GPATCH2L: variants seen among roughly 807,000 people sequenced by gnomAD.
GPATCH2L encodes G-patch domain containing 2 like, also known as G patch domain-containing protein 2-like.
GPATCH2L carries 31 observed loss-of-function variants against 57.4 expected under a neutral mutation model. That is an observed-to-expected ratio of 0.54 (90% confidence interval 0.41 to 0.73). The LOEUF (loss-of-function observed/expected upper bound fraction) is 0.73, where lower values mean the gene tolerates loss of function less well. Ranked by LOEUF, GPATCH2L falls within the 30% of genes least tolerant of loss-of-function variation. GPATCH2L has a pLI of 0.00. For synonymous variants in GPATCH2L, 199 were observed against 210.7 expected, an observed-to-expected ratio of 0.94 and a Z score of 0.48; for missense variants, 481 against 599.9, an observed-to-expected ratio of 0.80 and a Z score of 2.07.
rs1566817688 is a variant in GPATCH2L at position 76,202,029 on chromosome 14, CT to C, written c.*186del. 7.3e-5 allele frequency: 36 copies of C among 491,058 alleles called. No homozygotes were observed. Among genetic ancestry groups the C allele is most frequent in the Middle Eastern group, 5.4e-4 (1 of 1,842 alleles). 30.4% of individuals were successfully genotyped at this position (491,058 alleles called of 1,614,324 possible). A position where few individuals can be genotyped will look rare whatever the true frequency, so the allele number is the denominator to read the frequency against. Reference sequence around the variant, plus strand: ...TCTCAGAAGATCATGTTGTGGGAATCTTTTTTTTAAATAGTGAAATATTGAG... The same window carrying C: ...TCTCAGAAGATCATGTTGTGGGAATCTTTTTTTAAATAGTGAAATATTGAG... On this transcript the variant is annotated 3_prime_UTR_variant, in exon 10 of 10. Coordinates refer to ENST00000261530, the MANE Select transcript of GPATCH2L (RefSeq NM_017926.4).
chr14:76,181,292 T>A (rs1380312292), intron 8 of GPATCH2L, among the ~76,000 whole-genome samples: 1 of 152,202 alleles, frequency 6.6e-6, no homozygotes, highest in African/African-American at 2.4e-5. Context: ...AGTCCTTTCC[T>A]GCCGCTGAAA....
intron 9 of GPATCH2L, chr14:76,196,436 AG>A: frequency 1.5e-5 from 2 of 129,434 alleles, no homozygotes; most frequent in East Asian, 1.8e-4. Context: ...AAAACTTTTC[AG>A]TTTTTTTTTT....
At chr14:76,215,050 C>T (rs561973216), downstream of GPATCH2L, among the ~76,000 whole-genome samples, 2 of 151,160 alleles carry the variant, frequency 1.3e-5, no homozygotes, top group African/African-American at 4.9e-5. Context: ...TCTAGAAAAA[C>T]AAACAAAAAA....
intron 8 of GPATCH2L, among the ~76,000 whole-genome samples, chr14:76,191,252 G>A (rs1193307509): frequency 2.0e-5 from 3 of 152,108 alleles, no homozygotes; most frequent in African/African-American, 7.2e-5. Flanking sequence ...AAGAAAAGGA[G>A]TCAAGTGGTT....
downstream of GPATCH2L, among the ~76,000 whole-genome samples, chr14:76,218,287 A>G (rs2040497971): frequency 6.6e-6 from 1 of 152,166 alleles, no homozygotes; most frequent in African/African-American, 2.4e-5. Flanking sequence ...TTAAGATGAT[A>G]CTGAGTTTTT....
chr14:76,160,747 C>A (rs2139582783), intron 2 of GPATCH2L, among the ~76,000 whole-genome samples: 1 of 152,108 alleles, frequency 6.6e-6, no homozygotes, highest in Non-Finnish European at 1.5e-5. Flanking sequence ...GATATGCAGG[C>A]CCCAGAATCC....
chr14:76,179,957 G>A (rs369616330), intron 7 of GPATCH2L: 4 of 152,006 alleles, frequency 2.6e-5, no homozygotes, highest in African/African-American at 9.7e-5. Context: ...GGCTGAGGCA[G>A]GTGGATCACC....
chr14:76,220,619 C>T (rs1326300169), intron 1 of GPATCH2L, among the ~76,000 whole-genome samples: 1 of 152,008 alleles, frequency 6.6e-6, no homozygotes, highest in East Asian at 1.9e-4. Context: ...ATACTATAAC[C>T]AGCAGTGTCA....
At chr14:76,194,573 C>A (rs1289825051) in intron 8 of GPATCH2L, among the ~76,000 whole-genome samples, 1 of 151,840 alleles carries the variant, frequency 6.6e-6, no homozygotes, top group Non-Finnish European at 1.5e-5. Context: ...TGGGGACTTT[C>A]TGAGTCAAAA....
intron 1 of GPATCH2L, among the ~76,000 whole-genome samples, chr14:76,219,759 A>G (rs2040506015): frequency 6.6e-6 from 1 of 152,164 alleles, no homozygotes; most frequent in Admixed American, 6.6e-5. Context: ...AGAGGAGGTT[A>G]TACAAGTCGT....
Position 76,154,334 on chromosome 14 carries a change from C to A in GPATCH2L, c.-10-20C>A. The A allele has an allele frequency of 6.6e-7, 1 of 1,517,986 alleles. No individual in the cohort carries two copies. Among genetic ancestry groups the A allele is most frequent in the South Asian group, 1.3e-5 (1 of 79,332 alleles). 94.0% of individuals were successfully genotyped at this position (1,517,986 alleles called of 1,614,324 possible). A position where few individuals can be genotyped will look rare whatever the true frequency, so the allele number is the denominator to read the frequency against. On this transcript the variant is annotated intron_variant, in intron 1 of 9. Coordinates refer to ENST00000261530, the MANE Select transcript of GPATCH2L (RefSeq NM_017926.4). This position sits in a 1 kb window ranked among gnomAD's most constrained non-coding sequence, Gnocchi z 4.4. ...TTTTCTTTTCTTTCTTTCTTTTTTT[C>A]CTAAACTTCCTTTTGGCAGATGTGG...
chr14:76,226,267 T>C (rs1479763031), intron 1 of GPATCH2L, among the ~76,000 whole-genome samples: 2 of 152,242 alleles, frequency 1.3e-5, no homozygotes, highest in African/African-American at 4.8e-5. Flanking sequence ...TAGAACACTG[T>C]ACAGAAATGA....
At chr14:76,168,442 C>G (rs758920788) in intron 3 of GPATCH2L, among the ~76,000 whole-genome samples, 1 of 152,216 alleles carries the variant, frequency 6.6e-6, no homozygotes, top group Non-Finnish European at 1.5e-5. Context: ...TTACCATACT[C>G]ATTTCTTGCT....
At chr14:76,184,703 A>C (rs2039702187) in intron 8 of GPATCH2L, among the ~76,000 whole-genome samples, 2 of 152,186 alleles carry the variant, frequency 1.3e-5, no homozygotes, top group African/African-American at 2.4e-5. Flanking sequence ...TGTGGATTTC[A>C]GGAATAGCAC....
intron 7 of GPATCH2L, chr14:76,178,253 T>C: frequency 4.7e-6 from 7 of 1,494,262 alleles, no homozygotes; most frequent in Non-Finnish European, 6.2e-6. Flanking sequence ...GATTTGCATA[T>C]GGTTTAGTTC....
chr14:76,228,070 A>G (rs1380441119), intron 1 of GPATCH2L, among the ~76,000 whole-genome samples: 1 of 152,198 alleles, frequency 6.6e-6, no homozygotes, highest in Non-Finnish European at 1.5e-5. Flanking sequence ...CAGTTTCCGG[A>G]TCTGTGTGGC....
In GPATCH2L at chr14:76,203,072, C is replaced by A. The variant is rs1016462750; in HGVS notation, c.*1221C>A. 1.3e-5 allele frequency: 2 copies of A among 152,120 alleles called. No homozygotes were observed. The highest frequency in any genetic ancestry group is 2.4e-5 in the African/African-American group (1 of 41,404). The allele number at this position is 152,120 out of a possible 1,614,324, so 9.4% of individuals were successfully genotyped here. On this transcript the variant is annotated 3_prime_UTR_variant, in exon 10 of 10. Transcript: ENST00000261530. ...CTCTGGTCACATTGTAGAGGGACTCCCACTCATGCATCTGCTTATTTTCTG... is the reference window on the plus strand; with the variant it reads ...CTCTGGTCACATTGTAGAGGGACTCACACTCATGCATCTGCTTATTTTCTG...
chr14:76,177,569 T>C (rs2039382483), intron 6 of GPATCH2L, among the ~76,000 whole-genome samples: 1 of 152,142 alleles, frequency 6.6e-6, no homozygotes. Flanking sequence ...GTGTGGTTTA[T>C]GCCCTTCATG....
chr14:76,152,845 G>A, intron 1 of GPATCH2L: 1 of 444,724 alleles, frequency 2.2e-6, no homozygotes, highest in Non-Finnish European at 4.5e-6. Flanking sequence ...TCTTTATTAG[G>A]GAAGTAGATT....
Sources: gnomAD v4.1 joint callset for allele counts (sites outside exome capture counted in the v4.1 genomes callset) on GRCh38, gnomAD v4.1.1 for gene constraint, Gnocchi (gnomAD v3.1) non-coding constraint, MANE v1.5 for transcripts, NCBI Gene and HGNC (gene_info 2026-07-23, HGNC 2026-07-21) for gene names.